Variants in BCR observed in about 807,000 individuals in gnomAD.
BCR encodes the protein BCR activator of RhoGEF and GTPase.
Under a neutral mutation model 138.6 loss-of-function variants are expected in BCR, and 58 were observed. The observed-to-expected ratio is 0.42, with a 90% confidence interval of 0.34 to 0.52. BCR has a LOEUF of 0.52. Among genes scored for constraint, BCR ranks in the 20% least tolerant of loss-of-function variants. BCR has a pLI of 0.06. For synonymous variants in BCR, 786 were observed against 730.1 expected (o/e 1.08, Z -1.23); for missense variants, 1,599 against 1,727.2 (o/e 0.93, Z 1.32).
intron 21 of BCR, 116 bp downstream of exon 21, chr22:23,314,189 GTCAC>G (rs900708795): frequency 1.1e-4 from 94 of 833,324 alleles, no homozygotes; most frequent in Non-Finnish European, 1.6e-4. Context: ...CTTGTCTGCA[GTCAC>G]TCACTGCCTT....
chr22:23,185,615 G>C (rs1057268406), intron 1 of BCR, among the ~76,000 whole-genome samples: 2 of 151,370 alleles, frequency 1.3e-5, no homozygotes, highest in Non-Finnish European at 2.9e-5. Flanking sequence ...GCAGTGAGCC[G>C]AGATCGCTGG....
chr22:23,313,032 G>A lies in BCR; in HGVS notation c.3457+11G>A, dbSNP rs180806. 0.39 allele frequency: 603,211 copies of A among 1,548,130 alleles called. 118,006 individuals carry two copies. The highest frequency in any genetic ancestry group is 0.6 in the East Asian group (25,934 of 42,982). On this transcript the variant is annotated intron_variant, in intron 20 of 22. Coordinates refer to ENST00000305877, the MANE Select transcript of BCR (RefSeq NM_004327.4). Reference sequence around the variant, plus strand: ...TCGCAGAGGGCATCGGTGAGCACTGGAGGCCTTGGCCTCATGGGAGACGTC... The same window carrying A: ...TCGCAGAGGGCATCGGTGAGCACTGAAGGCCTTGGCCTCATGGGAGACGTC...
chr22:23,308,564 C>T (rs2146325719), intron 16 of BCR, among the ~76,000 whole-genome samples: 1 of 152,298 alleles, frequency 6.6e-6, no homozygotes, highest in Non-Finnish European at 1.5e-5. Context: ...CTCAGCCTCT[C>T]AAAGTGCTGG....
intron 16 of BCR, among the ~76,000 whole-genome samples, chr22:23,298,973 C>A (rs2073875296): frequency 6.6e-6 from 1 of 152,138 alleles, no homozygotes. Flanking sequence ...TGCAACAGAC[C>A]CCCTGGGGCC....
intron 2 of BCR, among the ~76,000 whole-genome samples, chr22:23,257,049 C>G (rs1479256283): frequency 6.6e-6 from 1 of 152,172 alleles, no homozygotes; most frequent in Admixed American, 6.5e-5. Flanking sequence ...CATTCACGTC[C>G]TTTCCCATAA....
In BCR at chr22:23,308,192, C is replaced by T. The variant is rs551263758; in HGVS notation, c.3013-1232C>T. 1.4e-4 allele frequency among the ~76,000 whole-genome samples: 22 copies of T among 152,076 alleles called. 1 individual carries two copies. The highest frequency in any genetic ancestry group is 2.2e-4 in the Non-Finnish European group (15 of 67,978). ...CTTCTATGGAGTCAGACGGTGGCTCCGTGACCTGGCTTCACTCCAGAACTA... is the reference window on the plus strand; with the variant it reads ...CTTCTATGGAGTCAGACGGTGGCTCTGTGACCTGGCTTCACTCCAGAACTA... On this transcript the variant is annotated intron_variant, in intron 16 of 22. Transcript: ENST00000305877.
chr22:23,272,537 C>T (rs974661397), intron 6 of BCR, among the ~76,000 whole-genome samples: 1 of 152,178 alleles, frequency 6.6e-6, no homozygotes, highest in African/African-American at 2.4e-5. Flanking sequence ...GAGTTGCTCC[C>T]ACTGCAGTGG....
At chr22:23,277,752 C>T (rs925456915) in intron 8 of BCR, among the ~76,000 whole-genome samples, 19 of 152,186 alleles carry the variant, frequency 1.2e-4, no homozygotes, top group African/African-American at 4.3e-4. Flanking sequence ...CAGCCCCAGA[C>T]CCCCACTGTG....
intron 1 of BCR, among the ~76,000 whole-genome samples, chr22:23,218,238 C>T (rs1256821223): frequency 6.6e-6 from 1 of 152,132 alleles, no homozygotes; most frequent in Non-Finnish European, 1.5e-5. Context: ...CAGGTCTGAG[C>T]CCCCGGAGCT....
intron 4 of BCR, chr22:23,264,935 T>TGA (rs2073421197): frequency 6.6e-6 from 1 of 152,002 alleles, no homozygotes; most frequent in Non-Finnish European, 1.5e-5. Context: ...GGCTGGCTGT[T>TGA]GAGAGATTTT....
rs765570041 is a variant in BCR, at chr22:23,311,764, G to A, written c.3250G>A (p.Glu1084Lys). ...GGAGGAGATCGAGCGCCGAGGCATG[G>A]AGGAGGTGGGCATCTACCGCGTGTC... ...CVEEIERRGM[E>K]EVGIYRVSGV... is the part of the protein sequence containing the mutation. Residue 1084 changes from glutamate (E) to lysine (K), a missense_variant, in exon 19 of 23, where the codon GAG becomes AAG. By Grantham distance (56) the Glu-to-Lys change is moderately conservative. Transcript: ENST00000305877. 1 of 1,611,780 alleles carries A rather than the reference G, an allele frequency of 6.2e-7. No homozygotes were observed. Among genetic ancestry groups the A allele is most frequent in the Non-Finnish European group, 8.5e-7 (1 of 1,179,860 alleles).
At chr22:23,238,976 A>G (rs2073057765) in intron 1 of BCR, among the ~76,000 whole-genome samples, 1 of 151,986 alleles carries the variant, frequency 6.6e-6, no homozygotes, top group South Asian at 2.1e-4. Context: ...CTTTTTCTCA[A>G]CAGAAAGAAC....
chr22:23,259,035 T>C (rs1026757128), intron 2 of BCR, among the ~76,000 whole-genome samples: 1 of 152,160 alleles, frequency 6.6e-6, no homozygotes, highest in Non-Finnish European at 1.5e-5. Flanking sequence ...GGTGGAGCAC[T>C]GAGGTGCTGC....
intron 17 of BCR, 135 bp downstream of exon 17, chr22:23,309,618 C>T (rs1489036843): frequency 1.2e-5 from 8 of 666,962 alleles, no homozygotes; most frequent in East Asian, 2.7e-5. Flanking sequence ...GAAGGGAGGG[C>T]CCCCAAGAGC....
chr22:23,182,662 A>G (rs2072287261), intron 1 of BCR, among the ~76,000 whole-genome samples: 1 of 152,122 alleles, frequency 6.6e-6, no homozygotes, highest in Admixed American at 6.5e-5. Context: ...GGACTGATTT[A>G]TGTCTTGGGC....
intron 1 of BCR, among the ~76,000 whole-genome samples, chr22:23,231,869 A>G (rs1334273888): frequency 2.0e-5 from 3 of 152,102 alleles, no homozygotes; most frequent in Non-Finnish European, 4.4e-5. Context: ...GGCACGTCTC[A>G]GGCTTTGGGG....
chr22:23,294,118 A>C (rs1162319463), intron 15 of BCR, among the ~76,000 whole-genome samples: 1 of 152,130 alleles, frequency 6.6e-6, no homozygotes, highest in East Asian at 1.9e-4. Flanking sequence ...AGCAAAATGG[A>C]GCAGAAAGAA....
chr22:23,197,236 T>G (rs1349316652), intron 1 of BCR, among the ~76,000 whole-genome samples: 2 of 152,226 alleles, frequency 1.3e-5, no homozygotes, highest in Non-Finnish European at 2.9e-5. Context: ...GTTTGTAGCC[T>G]AGGAGCAATA....
intron 5 of BCR, among the ~76,000 whole-genome samples, chr22:23,268,811 G>A (rs2073475833): frequency 6.6e-6 from 1 of 152,364 alleles, no homozygotes; most frequent in Middle Eastern, 3.4e-3. Flanking sequence ...CTGTAGTTCT[G>A]CCTGTGAGCA....
Sources: allele counts gnomAD v4.1 joint callset (sites outside exome capture counted in the v4.1 genomes callset), GRCh38; gene constraint gnomAD v4.1.1; transcripts MANE v1.5; gene names NCBI Gene and HGNC (gene_info 2026-07-23, HGNC 2026-07-21).